Variants in E4F1 observed in about 807,000 individuals in gnomAD.
The protein encoded by E4F1 is transcription factor E4F1.
In E4F1, 30 loss-of-function variants were observed where a neutral mutation model predicts 72.9. The observed-to-expected ratio is 0.41, with a 90% CI of 0.31 to 0.56. E4F1 has a LOEUF of 0.56. Ranked by LOEUF, E4F1 falls within the 20% of genes least tolerant of loss-of-function variation. The pLI is 0.25. For synonymous variants in E4F1, 542 were observed against 478.2 expected, an observed-to-expected ratio of 1.13 and a Z score of -1.74; for missense variants, 1,091 against 1,117.5, an observed-to-expected ratio of 0.98 and a Z score of 0.34.
intron 12 of E4F1, 34 bp downstream of exon 12, chr16:2,235,035 C>T (rs2093497946): frequency 1.2e-6 from 2 of 1,611,906 alleles, no homozygotes; most frequent in South Asian, 2.2e-5. Flanking sequence ...TGCTGGGACC[C>T]AGGGGCAGCC....
chr16:2,225,612 T>C (rs1273089960), intron 1 of E4F1, among the ~76,000 whole-genome samples: 1 of 151,598 alleles, frequency 6.6e-6, no homozygotes, highest in Admixed American at 6.6e-5. Context: ...TAGCTGGGAT[T>C]ACGGCACGCG....
chr16:2,233,381 G>T, intron 7 of E4F1, 57 bp from the exon 8 acceptor site: 1 of 1,469,060 alleles, frequency 6.8e-7, no homozygotes, highest in Non-Finnish European at 9.0e-7. Context: ...TGCCCCATGG[G>T]GTGGGTGCTG....
At position 2,234,658 on chromosome 16, in the gene E4F1, C is replaced by T. The variant is rs748169224; in HGVS notation, c.1669C>T (p.Arg557Ter). The T allele has an allele frequency of 4.4e-6, 7 of 1,595,634 alleles. No individual in the cohort carries two copies. The South Asian group carries it at 4.5e-5, about 10-fold the overall frequency. ...GTGCCAGTTCTGCAGCCGTGGCTTC[C>T]GAGAGAAGGGCTCACTGGTGCGGCA... ...HVCQFCSRGF[R>*]EKGSLVRHVR... The change falls in exon 11 of 14, where the codon CGA becomes TGA. Residue 557 changes from arginine (R) to a stop codon, truncating the protein, a stop_gained. Coordinates refer to ENST00000301727, the MANE Select transcript of E4F1 (RefSeq NM_004424.5). LOFTEE classifies it high-confidence loss of function.
intron 3 of E4F1, chr16:2,230,015 G>A (rs1002277843): frequency 9.9e-6 from 3 of 302,440 alleles, no homozygotes; most frequent in Non-Finnish European, 2.0e-5. Context: ...CTCCCTGCCC[G>A]TAGGCAGCAA....
rs373947740 is a variant in E4F1, at chr16:2,235,305, C to T, written c.2088C>T (p.Asp696=). The change falls in exon 14 of 14, where the codon GAC becomes GAT. Residue 696 remains aspartate (D), a synonymous_variant. Transcript: ENST00000301727. ...TCATCGTGCAGAACGTCACCATGGACGAGGAGACGGCGCTGGGCCCAGAGG... is the reference window on the plus strand; with the variant it reads ...TCATCGTGCAGAACGTCACCATGGATGAGGAGACGGCGCTGGGCCCAGAGG... ...HQIIVQNVTM[D]EETALGPEAA... 4.4e-5 allele frequency: 71 copies of T among 1,611,160 alleles called. No individual in the cohort carries two copies. The highest frequency in any genetic ancestry group is 1.6e-4 in the Middle Eastern group (1 of 6,062).
Position 2,232,811 on chromosome 16 carries a change from A to G in E4F1, c.786A>G (p.Ala262=). Residue 262 remains alanine, a synonymous_variant, in exon 6 of 14, where the codon GCA becomes GCG. Transcript: ENST00000301727. ...KCGKSFRESG[A]LTRHLKSLTP... is the part of the protein sequence containing the mutation. ...GAAAGAGCTTCCGGGAGTCGGGTGC[A>G]CTGACCCGGCACCTCAAGTCTCTCA... 1 of 1,613,386 alleles carries G rather than the reference A, an allele frequency of 6.2e-7. No individual in the cohort carries two copies. Among genetic ancestry groups the G allele is most frequent in the Non-Finnish European group, 8.5e-7 (1 of 1,179,998 alleles).
chr16:2,224,669 C>T (rs1372185564), intron 1 of E4F1, among the ~76,000 whole-genome samples: 2 of 151,912 alleles, frequency 1.3e-5, no homozygotes, highest in Non-Finnish European at 2.9e-5. Context: ...TGGCGGGCGC[C>T]TGTAGTGGGG....
At position 2,234,931 on chromosome 16, in the gene E4F1, C is replaced by T. The variant is rs142165926; in HGVS notation, c.1865C>T (p.Thr622Met). 54 of 1,566,478 alleles carry T rather than the reference C, an allele frequency of 3.4e-5. No homozygotes were observed. The African/African-American group carries it at 6.1e-4, about 18-fold the overall frequency. ...CCCGCGGCAGCCACCACCGTCCTCACGGAAGACCCGCACACAGTGTTGGTG... is the reference window on the plus strand; with the variant it reads ...CCCGCGGCAGCCACCACCGTCCTCATGGAAGACCCGCACACAGTGTTGGTG... Reference protein sequence around the residue: ...DSPAAATTVLTEDPHTVLVEF... With the variant: ...DSPAAATTVLMEDPHTVLVEF... Residue 622 changes from threonine (T) to methionine (M), a missense_variant, in exon 12 of 14, where the codon ACG (threonine) becomes ATG (methionine). Transcript: ENST00000301727.
chr16:2,230,681 C>G (rs2093462406), intron 3 of E4F1: 1 of 151,888 alleles, frequency 6.6e-6, no homozygotes, highest in South Asian at 2.1e-4. Flanking sequence ...GGAAGGGCAC[C>G]TGTGAGCAGG....
chr16:2,234,417 C>G (rs1291387138), intron 10 of E4F1, 29 bp downstream of exon 10: 1 of 1,610,168 alleles, frequency 6.2e-7, no homozygotes, highest in South Asian at 1.1e-5. Flanking sequence ...GACCCTGGCG[C>G]CTGATCCCCC....
chr16:2,224,824 A>G lies in E4F1; in HGVS notation c.157+1054A>G, dbSNP rs1009875227. Reference sequence around the variant, plus strand: ...ACCAGGGTCACCCAGGTAGTTAAGTAGCAAGGGTTGGATTGGATCTCAGCA... The same window carrying G: ...ACCAGGGTCACCCAGGTAGTTAAGTGGCAAGGGTTGGATTGGATCTCAGCA... On this transcript the variant is annotated intron_variant, in intron 1 of 13. Coordinates refer to ENST00000301727, the MANE Select transcript of E4F1 (RefSeq NM_004424.5). Among the ~76,000 whole-genome samples the G allele has an allele frequency of 2.6e-5, 4 of 151,904 alleles. No homozygotes were observed. The East Asian group carries it at 7.8e-4, about 30-fold the overall frequency.
chr16:2,233,212 T>C, intron 7 of E4F1, 29 bp downstream of exon 7: 1 of 1,575,940 alleles, frequency 6.3e-7, no homozygotes, highest in Non-Finnish European at 8.6e-7. Flanking sequence ...CCCGGAGGGC[T>C]GCTCTGTCTT....
At position 2,228,521 on chromosome 16, in the gene E4F1, G is replaced by A. The variant is rs2093446204; in HGVS notation, c.307G>A (p.Glu103Lys). 1.9e-6 allele frequency: 3 copies of A among 1,612,142 alleles called. No homozygotes were observed. The East Asian group carries it at 6.7e-5, about 36-fold the overall frequency. ...TPATTALLGQ[E>K]VVPAAPGPEE... ...TGCCACCACAGCGTTGCTGGGCCAG[G>A]AGGTGAGCCCTCACCCACTCCCCCA... Residue 103 changes from glutamate to lysine, a missense_variant and splice_region_variant, in exon 2 of 14, where the codon GAG becomes AAG. This residue lies in a region of E4F1 where 362 missense variants were observed against 358.6 expected (regional missense o/e 1.01). Coordinates refer to ENST00000301727, the MANE Select transcript of E4F1 (RefSeq NM_004424.5).
In E4F1 at chr16:2,235,203, C is replaced by T. The variant is rs543978808; in HGVS notation, c.1999-13C>T. ...CCTGGCACAGCCGCTCTTGCTGAGC[C>T]GTGGCCCTGCAGGTGGACAGCCACA... On this transcript the variant is annotated splice_polypyrimidine_tract_variant and intron_variant, in intron 13 of 13. Coordinates refer to ENST00000301727, the MANE Select transcript of E4F1 (RefSeq NM_004424.5). 3.5e-5 allele frequency: 57 copies of T among 1,609,262 alleles called. No homozygotes were observed. The highest frequency in any genetic ancestry group is 3.5e-4 in the Admixed American group (21 of 59,962).
rs1366215004 is a variant in E4F1, at chr16:2,233,926, T to C, written c.1311T>C (p.Cys437=). 3 of 1,604,062 alleles carry C rather than the reference T, an allele frequency of 1.9e-6. No individual in the cohort carries two copies. The East Asian group carries it at 6.7e-5, about 36-fold the overall frequency. ...EASAVPRTHP[C]PQCSETFPTA... ...CAGCGGTGCCCAGGACCCACCCATGTCCTCAGTGCAGTGAGACCTTCCCGA... is the reference window on the plus strand; with the variant it reads ...CAGCGGTGCCCAGGACCCACCCATGCCCTCAGTGCAGTGAGACCTTCCCGA... Residue 437 remains cysteine (C), a synonymous_variant, in exon 9 of 14, where the codon TGT becomes TGC. Coordinates refer to ENST00000301727, the MANE Select transcript of E4F1 (RefSeq NM_004424.5).
chr16:2,228,143 T>C (rs2093443115), intron 1 of E4F1: 2 of 597,612 alleles, frequency 3.3e-6, no homozygotes, highest in African/African-American at 1.8e-5. Flanking sequence ...TGCTGGGTGC[T>C]GACCTCCTGA....
chr16:2,223,970 G>A, intron 1 of E4F1, 200 bp downstream of exon 1: 2 of 1,512,136 alleles, frequency 1.3e-6, no homozygotes, highest in Non-Finnish European at 1.8e-6. Context: ...CGGGGCGCCT[G>A]TCATCCCCCC....
Position 2,235,216 on chromosome 16 carries a change from G to A in E4F1, c.1999G>A (p.Val667Met). Residue 667 changes from valine to methionine, a missense_variant and splice_region_variant, in exon 14 of 14, where the codon GTG (valine) becomes ATG (methionine). Around this residue, in one of 5 missense-constraint regions of E4F1, gnomAD observed 622 missense variants for 628.0 expected, o/e 0.99. Transcript: ENST00000301727. ...CTCTTGCTGAGCCGTGGCCCTGCAG[G>A]TGGACAGCCACATCATGAAGGTGGT... ...TEIIEGTQTEVDSHIMKVVQQ... is the reference protein window; with the variant it reads ...TEIIEGTQTEMDSHIMKVVQQ... 6.2e-7 allele frequency: 1 copy of A among 1,609,266 alleles called. No homozygotes were observed. Among genetic ancestry groups the A allele is most frequent in the South Asian group, 1.1e-5 (1 of 90,996 alleles).
At chr16:2,232,604 C>G in intron 5 of E4F1, 28 bp downstream of exon 5, 2 of 1,609,892 alleles carry the variant, frequency 1.2e-6, no homozygotes, top group East Asian at 2.2e-5. Context: ...CGGGCTGGAG[C>G]CCGGTAGCAC....
Sources: gnomAD v4.1 joint callset for allele counts (sites outside exome capture counted in the v4.1 genomes callset) on GRCh38, gnomAD v4.1.1 for gene constraint, gnomAD v4.1.1 regional missense constraint, MANE v1.5 for transcripts, NCBI Gene and HGNC (gene_info 2026-07-23, HGNC 2026-07-21) for gene names.